TMTC2: variants seen among roughly 807,000 people sequenced by gnomAD.
TMTC2 encodes protein O-mannosyl-transferase TMTC2.
TMTC2 carries 43 observed loss-of-function variants against 82.4 expected under a neutral mutation model. That is an observed-to-expected ratio of 0.52 (90% CI 0.41 to 0.67). TMTC2 has a LOEUF of 0.67. Ranked by LOEUF, TMTC2 falls within the 30% of genes least tolerant of loss-of-function variation. TMTC2 has a pLI of 0.00. For synonymous variants in TMTC2, 408 were observed against 381.9 expected (o/e 1.07, Z -0.80); for missense variants, 919 against 1,012.4 (o/e 0.91, Z 1.25).
chr12:82,869,581 T>G (rs2137133991), intron 2 of TMTC2, among the ~76,000 whole-genome samples: 1 of 152,210 alleles, frequency 6.6e-6, no homozygotes, highest in Admixed American at 6.5e-5. Flanking sequence ...GACTCACACT[T>G]GTAATGCCAG....
Position 82,930,473 on chromosome 12 carries a change from T to C in TMTC2, c.1526T>C (p.Ile509Thr). Residue 509 changes from isoleucine (I) to threonine (T), a missense_variant, in exon 4 of 12, where the codon ATT becomes ACT. Coordinates refer to ENST00000321196, the MANE Select transcript of TMTC2 (RefSeq NM_152588.3). ...AATGTTCTGAAGAGTCAGAGCAAAA[T>C]TTCTGAAGCTGAAAGCGCCTATAGA... ...LGNVLKSQSK[I>T]SEAESAYRNA... The C allele has an allele frequency of 6.2e-7, 1 of 1,604,786 alleles. No homozygotes were observed. The highest frequency in any genetic ancestry group is 8.5e-7 in the Non-Finnish European group (1 of 1,173,032).
At chr12:82,727,718 CA>C (rs770172730) in intron 1 of TMTC2, among the ~76,000 whole-genome samples, 235 of 136,024 alleles carry the variant, frequency 1.7e-3, no homozygotes, top group East Asian at 2.2e-3. Context: ...GAGAGTGTCT[CA>C]AAAAAAAAAA....
At chr12:82,876,349 T>G (rs1872579779) in intron 2 of TMTC2, among the ~76,000 whole-genome samples, 1 of 152,128 alleles carries the variant, frequency 6.6e-6, no homozygotes. Context: ...TTGTTTTAAG[T>G]CTTGGTGAGG....
At chr12:82,953,649 CAATT>C (rs1295287628) in intron 4 of TMTC2, among the ~76,000 whole-genome samples, 8 of 152,040 alleles carry the variant, frequency 5.3e-5, no homozygotes, top group African/African-American at 1.9e-4. Context: ...TCACATTTAA[CAATT>C]AAGTTATGTA....
intron 3 of TMTC2, among the ~76,000 whole-genome samples, chr12:82,914,024 G>A (rs1324283960): frequency 6.6e-6 from 1 of 152,080 alleles, no homozygotes; most frequent in African/African-American, 2.4e-5. Flanking sequence ...AACCTATGTT[G>A]TTCAAGGGTG....
intron 3 of TMTC2, among the ~76,000 whole-genome samples, chr12:82,921,643 T>C (rs1875400441): frequency 6.6e-6 from 1 of 152,176 alleles, no homozygotes; most frequent in Non-Finnish European, 1.5e-5. Context: ...AAATGAATAC[T>C]CTGAATATTT....
chr12:83,038,234 G>A (rs917132213), intron 9 of TMTC2, among the ~76,000 whole-genome samples: 10 of 151,550 alleles, frequency 6.6e-5, no homozygotes, highest in Admixed American at 2.6e-4. Flanking sequence ...ACATGTATAC[G>A]TATGTAACTA....
chr12:82,947,930 A>G (rs1052748947), intron 4 of TMTC2, among the ~76,000 whole-genome samples: 1 of 152,078 alleles, frequency 6.6e-6, no homozygotes, highest in African/African-American at 2.4e-5. Context: ...TTGTCTACCA[A>G]TTTGGCTCCT....
At chr12:83,077,611 G>C (rs535032933) in intron 11 of TMTC2, among the ~76,000 whole-genome samples, 2 of 151,674 alleles carry the variant, frequency 1.3e-5, no homozygotes, top group South Asian at 4.2e-4. Context: ...GTCTCACTCT[G>C]TTGCCTAGGC....
chr12:83,110,603 A>G (rs2137545526), intron 11 of TMTC2, among the ~76,000 whole-genome samples: 1 of 152,222 alleles, frequency 6.6e-6, no homozygotes, highest in Non-Finnish European at 1.5e-5. Flanking sequence ...TTCTAATTTT[A>G]TTTGTCCTGT....
At chr12:82,724,112 G>A (rs1404302613) in intron 1 of TMTC2, among the ~76,000 whole-genome samples, 2 of 152,162 alleles carry the variant, frequency 1.3e-5, no homozygotes, top group African/African-American at 4.8e-5. Flanking sequence ...GTTTCTCTCT[G>A]ACACAGCTCA....
At chr12:82,864,272 A>G (rs1471110779) in intron 2 of TMTC2, among the ~76,000 whole-genome samples, 1 of 151,906 alleles carries the variant, frequency 6.6e-6, no homozygotes, top group Non-Finnish European at 1.5e-5. Context: ...GAAACAATGC[A>G]TGGTTTCAAA....
At chr12:82,765,446 G>A (rs1265009260) in intron 1 of TMTC2, among the ~76,000 whole-genome samples, 3 of 152,018 alleles carry the variant, frequency 2.0e-5, no homozygotes, top group Non-Finnish European at 4.4e-5. Flanking sequence ...AGTCCGAGGC[G>A]GGCAGATCAC....
At chr12:82,892,551 G>T (rs1359775016) in intron 2 of TMTC2, among the ~76,000 whole-genome samples, 2 of 152,138 alleles carry the variant, frequency 1.3e-5, no homozygotes, top group Non-Finnish European at 2.9e-5. Context: ...AAATAAAATA[G>T]AATTACATCA....
intron 8 of TMTC2, among the ~76,000 whole-genome samples, chr12:83,021,595 TA>T (rs918336076): frequency 4.1e-5 from 6 of 146,550 alleles, no homozygotes; most frequent in African/African-American, 7.4e-5. Context: ...ACCCCATCTA[TA>T]AAAAAAATTT....
At chr12:83,018,502 T>C (rs894089698) in intron 8 of TMTC2, among the ~76,000 whole-genome samples, 2 of 152,218 alleles carry the variant, frequency 1.3e-5, no homozygotes, top group African/African-American at 2.4e-5. Flanking sequence ...GAGTCATGGC[T>C]AATAGCTAAT....
intron 1 of TMTC2, among the ~76,000 whole-genome samples, chr12:82,813,202 A>G (rs1008780184): frequency 6.6e-6 from 1 of 152,066 alleles, no homozygotes; most frequent in East Asian, 1.9e-4. Flanking sequence ...ACTATTTTCT[A>G]CTTGAATGCT....
intron 10 of TMTC2, among the ~76,000 whole-genome samples, chr12:83,059,919 A>G (rs916815715): frequency 2.6e-5 from 4 of 151,684 alleles, no homozygotes; most frequent in Admixed American, 1.3e-4. Context: ...AGTTACTCCA[A>G]TTTCCTACCT....
chr12:83,048,448 T>A (rs148569841), intron 9 of TMTC2, among the ~76,000 whole-genome samples: 169 of 152,300 alleles, frequency 1.1e-3, no homozygotes, highest in African/African-American at 4.0e-3. Context: ...GTTTATTTGT[T>A]CTGGGAGATA....
Sources: gnomAD v4.1 joint callset for allele counts (sites outside exome capture counted in the v4.1 genomes callset) on GRCh38, gnomAD v4.1.1 for gene constraint, MANE v1.5 for transcripts, NCBI Gene and HGNC (gene_info 2026-07-23, HGNC 2026-07-21) for gene names.